The following MAP4K4 variants were observed in gnomAD, a reference collection of about 807,000 sequenced individuals.
The protein encoded by MAP4K4 is HPK/GCK-like kinase HGK.
In MAP4K4, 38 loss-of-function variants were observed where a neutral mutation model predicts 189.6. The ratio of observed to expected loss-of-function variants is 0.20; its 90% CI spans 0.15 to 0.26. The LOEUF is 0.26. Among genes scored for constraint, MAP4K4 ranks in the 10% least tolerant of loss-of-function variants. The pLI, the probability that MAP4K4 is intolerant of heterozygous loss-of-function variation, is 1.00. For missense variants in MAP4K4, 1,054 were observed against 1,726.9 expected, an observed-to-expected ratio of 0.61 and a Z score of 6.91; for synonymous variants, 610 against 624.3, an observed-to-expected ratio of 0.98 and a Z score of 0.34.
intron 2 of MAP4K4, among the ~76,000 whole-genome samples, chr2:101,772,578 T>TA (rs2150372101): frequency 6.6e-6 from 1 of 152,366 alleles, no homozygotes; most frequent in South Asian, 2.1e-4. Flanking sequence ...AAAGAAAAGT[T>TA]ATCGCTGATT....
intron 28 of MAP4K4, among the ~76,000 whole-genome samples, 153 bp from the exon 29 acceptor site, chr2:101,885,034 T>A (rs2098461127): frequency 6.6e-6 from 1 of 152,178 alleles, no homozygotes; most frequent in Non-Finnish European, 1.5e-5. Flanking sequence ...AACTGTGAGG[T>A]GTGATCTCTC....
Position 101,861,238 on chromosome 2 carries a change from C to G in MAP4K4, c.1866+252C>G, listed in dbSNP as rs1400826128. ...GATTTCTTCTAACTTTTTGCCTTCC[C>G]TAACTCAGGTGTTAAGTGCCTCCTT... On this transcript the variant is annotated intron_variant, in intron 16 of 32. Transcript: ENST00000324219. The G allele has an allele frequency of 2.4e-5, 8 of 334,780 alleles. No homozygotes were observed. The East Asian group carries it at 4.0e-4, about 17-fold the overall frequency. The allele number at this position is 334,780 out of a possible 1,614,324, so 20.7% of individuals were successfully genotyped here.
chr2:101,704,069 G>C (rs1419260913), intron 2 of MAP4K4, among the ~76,000 whole-genome samples: 1 of 152,126 alleles, frequency 6.6e-6, no homozygotes. Context: ...TTAAACTTTT[G>C]TGAGGGATTC....
intron 2 of MAP4K4, among the ~76,000 whole-genome samples, chr2:101,740,741 A>G (rs938155845): frequency 6.6e-6 from 1 of 152,196 alleles, no homozygotes; most frequent in African/African-American, 2.4e-5. Flanking sequence ...CAGCATAAGC[A>G]AAGACCTTCC....
At chr2:101,840,131 A>G in intron 10 of MAP4K4, 137 bp downstream of exon 10, 1 of 797,174 alleles carries the variant, frequency 1.3e-6, no homozygotes, top group Non-Finnish European at 1.9e-6. Context: ...CTTGCGGTTC[A>G]GTGCTTAGGC....
Position 101,859,875 on chromosome 2 carries a change from TC to T in MAP4K4, c.1704+13del. The T allele has an allele frequency of 1.3e-6, 2 of 1,586,432 alleles. No individual in the cohort carries two copies. Among genetic ancestry groups the T allele is most frequent in the Non-Finnish European group, 1.7e-6 (2 of 1,166,374 alleles). On this transcript the variant is annotated intron_variant, in intron 15 of 32. Transcript: ENST00000324219. ...GACCGAGCGCGAGAGGTATCCTCTT[TC>T]CTTTGTCACTTAGACATTGCCCTGG...
At chr2:101,879,402 C>A (rs2098316520) in intron 27 of MAP4K4, among the ~76,000 whole-genome samples, 1 of 151,626 alleles carries the variant, frequency 6.6e-6, no homozygotes, top group Non-Finnish European at 1.5e-5. Flanking sequence ...TCACCCCCAT[C>A]TCAGAGATAA....
At chr2:101,790,399 A>C (rs1341877862) in intron 2 of MAP4K4, among the ~76,000 whole-genome samples, 1 of 152,184 alleles carries the variant, frequency 6.6e-6, no homozygotes, top group African/African-American at 2.4e-5. Context: ...ATATAGGAAA[A>C]TATAAAGAAA....
chr2:101,806,946 C>T (rs910679556), intron 3 of MAP4K4, among the ~76,000 whole-genome samples: 18 of 152,160 alleles, frequency 1.2e-4, no homozygotes, highest in African/African-American at 4.3e-4. Context: ...CTCCCTGGGC[C>T]TGGCTGGCCC....
intron 10 of MAP4K4, among the ~76,000 whole-genome samples, chr2:101,841,683 G>T (rs752270906): frequency 7.2e-5 from 11 of 152,062 alleles, no homozygotes; most frequent in Non-Finnish European, 1.5e-4. Flanking sequence ...TGGTCAGGCT[G>T]GTCTTGAACC....
intron 1 of MAP4K4, 52 bp from the exon 2 acceptor site, chr2:101,698,421 T>A (rs933716266): frequency 1.5e-4 from 214 of 1,467,402 alleles, no homozygotes; most frequent in Non-Finnish European, 8.0e-5. Flanking sequence ...CTTGATTTAT[T>A]CATTTTTTTG....
chr2:101,698,340 C>T (rs2035758972), intron 1 of MAP4K4, 133 bp from the exon 2 acceptor site: 7 of 899,540 alleles, frequency 7.8e-6, no homozygotes, highest in Non-Finnish European at 1.3e-5. Context: ...CGCGCGACCC[C>T]CGGGCGCTGG....
chr2:101,727,300 A>G (rs2055989774), intron 2 of MAP4K4, among the ~76,000 whole-genome samples: 1 of 152,254 alleles, frequency 6.6e-6, no homozygotes, highest in Non-Finnish European at 1.5e-5. Flanking sequence ...ATCTTCAAAA[A>G]GAAAAGGATT....
At chr2:101,744,573 G>T (rs2064319860) in intron 2 of MAP4K4, among the ~76,000 whole-genome samples, 1 of 152,138 alleles carries the variant, frequency 6.6e-6, no homozygotes, top group Non-Finnish European at 1.5e-5. Context: ...GCCTGAGCCA[G>T]TCTGTGGTCT....
chr2:101,797,889 G>GTTTTTTTTTTTTTTTTTTTTTTTTTTTT lies in MAP4K4; in HGVS notation c.180+7134_180+7135insTTTTTTTTTTTTTTTTTTTTTTTTTTTT, dbSNP rs58201235. 4.4e-4 allele frequency among the ~76,000 whole-genome samples: 23 copies of GTTTTTTTTTTTTTTTTTTTTTTTTTTTT among 52,324 alleles called. 3 individuals are homozygous for GTTTTTTTTTTTTTTTTTTTTTTTTTTTT. Among genetic ancestry groups the GTTTTTTTTTTTTTTTTTTTTTTTTTTTT allele is most frequent in the Non-Finnish European group, 6.7e-4 (20 of 29,934 alleles). 34.3% of individuals were successfully genotyped at this position (52,324 alleles called of 152,430 possible). The stretch of plus-strand genomic sequence containing the variant: ...TGAAGCTTTTTAAAACATTCTTTTA[G>GTTTTTTTTTTTTTTTTTTTTTTTTTTTT]TTTTTTTTTTTTTTTTTTTTTGGAG... On this transcript the variant is annotated intron_variant, in intron 3 of 32. Coordinates refer to ENST00000324219, the Ensembl canonical transcript of MAP4K4.
chr2:101,707,282 T>TA (rs1228776864), intron 2 of MAP4K4, among the ~76,000 whole-genome samples: 2 of 150,982 alleles, frequency 1.3e-5, no homozygotes, highest in African/African-American at 4.9e-5. Flanking sequence ...CATCTTGGCT[T>TA]ACTGTAGCCT....
intron 2 of MAP4K4, among the ~76,000 whole-genome samples, chr2:101,716,754 C>T (rs1006188529): frequency 5.3e-5 from 8 of 152,236 alleles, no homozygotes; most frequent in South Asian, 2.1e-4. Flanking sequence ...AGGATCTCTC[C>T]GGAAGCTGAA....
rs190769466 is a variant in MAP4K4 at position 101,890,770 on chromosome 2, T to C, written c.4072-396T>C. Reference sequence around the variant, plus strand: ...ATGCCCAGCCTTTTTATTTATTTATTTATTTTTTGAGACAGAGTCTTGCTC... The same window carrying C: ...ATGCCCAGCCTTTTTATTTATTTATCTATTTTTTGAGACAGAGTCTTGCTC... On this transcript the variant is annotated intron_variant, in intron 32 of 32. Coordinates refer to ENST00000324219, the Ensembl canonical transcript of MAP4K4. Among the ~76,000 whole-genome samples the C allele has an allele frequency of 4.0e-5, 6 of 151,552 alleles. No individual in the cohort carries two copies. In the East Asian group the frequency reaches 1.2e-3, roughly 29 times the overall value.
At chr2:101,837,778 A>G (rs886359080) in intron 9 of MAP4K4, among the ~76,000 whole-genome samples, 1 of 152,202 alleles carries the variant, frequency 6.6e-6, no homozygotes, top group Non-Finnish European at 1.5e-5. Flanking sequence ...AGGGTACCTC[A>G]TACTCTGATT....
Sources: allele counts gnomAD v4.1 joint callset (sites outside exome capture counted in the v4.1 genomes callset), GRCh38; gene constraint gnomAD v4.1.1; transcripts MANE v1.5; gene names NCBI Gene and HGNC (gene_info 2026-07-23, HGNC 2026-07-21).